DCT: variants seen among roughly 807,000 people sequenced by gnomAD.
The protein encoded by DCT is L-dopachrome tautomerase.
Under a neutral mutation model 53.0 loss-of-function variants are expected in DCT, and 47 were observed. The observed-to-expected ratio is 0.89, with a 90% CI of 0.70 to 1.13. The LOEUF is 1.13. DCT is among the 50% of genes most tolerant of loss of function. The pLI is 0.00. For missense variants in DCT, 669 were observed against 637.4 expected (o/e 1.05, Z -0.53); for synonymous variants, 244 against 237.0 (o/e 1.03, Z -0.27).
the DCT span, among the ~76,000 whole-genome samples, chr13:94,487,492 T>C: frequency 2.0e-5 from 3 of 152,216 alleles, no homozygotes; most frequent in Non-Finnish European, 4.4e-5. Flanking sequence ...CAGACATGCA[T>C]AGCTTTGGAG....
chr13:94,469,846 G>A (rs1017468717), intron 1 of DCT, among the ~76,000 whole-genome samples: 1 of 152,124 alleles, frequency 6.6e-6, no homozygotes, highest in Non-Finnish European at 1.5e-5. Context: ...AGGCCGAGGC[G>A]GGCAGATCAC....
chr13:94,443,375 C>T (rs760981640), intron 7 of DCT, 61 bp downstream of exon 7: 3 of 1,334,926 alleles, frequency 2.2e-6, no homozygotes, highest in African/African-American at 2.9e-5. Flanking sequence ...AGAAAGAAAG[C>T]AAGAAAGCTA....
the DCT span, among the ~76,000 whole-genome samples, chr13:94,512,130 T>C: frequency 6.6e-6 from 1 of 152,270 alleles, no homozygotes; most frequent in Non-Finnish European, 1.5e-5. Context: ...CCTCACCCAG[T>C]ACTGGATACA....
the DCT span, among the ~76,000 whole-genome samples, chr13:94,540,688 A>C: frequency 6.6e-6 from 1 of 152,190 alleles, no homozygotes; most frequent in Non-Finnish European, 1.5e-5. Context: ...ACCCTCGTAC[A>C]CTGTTGGTGG....
At chr13:94,469,312 G>A (rs957956452) in intron 1 of DCT, among the ~76,000 whole-genome samples, 4 of 152,146 alleles carry the variant, frequency 2.6e-5, no homozygotes, top group Non-Finnish European at 4.4e-5. Flanking sequence ...CCGTGTCCCC[G>A]AAGTCCTAGC....
intron 6 of DCT, among the ~76,000 whole-genome samples, chr13:94,447,795 A>C (rs1414972932): frequency 6.6e-6 from 1 of 152,234 alleles, no homozygotes; most frequent in Non-Finnish European, 1.5e-5. Flanking sequence ...CAAATAACTT[A>C]TAGAAAGTAT....
chr13:94,527,745 A>G, the DCT span, among the ~76,000 whole-genome samples: 1 of 152,228 alleles, frequency 6.6e-6, no homozygotes, highest in Non-Finnish European at 1.5e-5. Context: ...AAAGGATTGC[A>G]GCTCCTCGCC....
chr13:94,454,712 G>A (rs1488559181), intron 6 of DCT, among the ~76,000 whole-genome samples: 2 of 152,164 alleles, frequency 1.3e-5, no homozygotes, highest in Non-Finnish European at 2.9e-5. Flanking sequence ...ATTGCCTCAT[G>A]AATTTGAAAT....
chr13:94,508,542 T>A, the DCT span, among the ~76,000 whole-genome samples: 1 of 152,068 alleles, frequency 6.6e-6, no homozygotes, highest in East Asian at 1.9e-4. Flanking sequence ...GTCTGAAGAG[T>A]CTCAACCTTG....
intron 6 of DCT, chr13:94,445,892 C>G (rs112108850): frequency 2.1e-4 from 129 of 608,200 alleles, no homozygotes; most frequent in Non-Finnish European, 2.7e-4. Context: ...TGTGGGGGGG[C>G]GGGGTGAAAT....
At chr13:94,449,513 G>C (rs1019684675) in intron 6 of DCT, among the ~76,000 whole-genome samples, 1 of 152,190 alleles carries the variant, frequency 6.6e-6, no homozygotes, top group Non-Finnish European at 1.5e-5. Flanking sequence ...CTATTGTGGT[G>C]ACATGCTATT....
intron 1 of DCT, among the ~76,000 whole-genome samples, chr13:94,474,789 C>T (rs540496999): frequency 2.0e-5 from 3 of 152,240 alleles, no homozygotes; most frequent in South Asian, 4.2e-4. Flanking sequence ...AGAATTTCAC[C>T]ATAGAATTTA....
At chr13:94,498,899 C>T in the DCT span, among the ~76,000 whole-genome samples, 9,311 of 152,218 alleles carry the variant, frequency 0.061, 348 homozygotes, top group Non-Finnish European at 0.077. Flanking sequence ...TAAAAACACA[C>T]CAATCATTGC....
chr13:94,480,468 A>G (rs889161601), upstream of DCT, among the ~76,000 whole-genome samples: 4 of 152,348 alleles, frequency 2.6e-5, no homozygotes, highest in Admixed American at 1.3e-4. Flanking sequence ...TGGAAACAGG[A>G]CTTAGTGCCA....
the DCT span, among the ~76,000 whole-genome samples, chr13:94,485,955 A>C: frequency 1.9e-3 from 296 of 152,302 alleles, no homozygotes; most frequent in Middle Eastern, 3.4e-3. Context: ...AAAAGTAAGA[A>C]AGCAGCTTAA....
chr13:94,518,700 G>A, the DCT span, among the ~76,000 whole-genome samples: 1 of 152,158 alleles, frequency 6.6e-6, no homozygotes, highest in Non-Finnish European at 1.5e-5. Flanking sequence ...CTTTCCTCCT[G>A]TTGGTTCATT....
chr13:94,472,560 ATATATATATTTTTTTTTTT>A (rs1884795802), intron 1 of DCT, among the ~76,000 whole-genome samples: 6 of 20,272 alleles, frequency 3.0e-4, no homozygotes, highest in Admixed American at 1.4e-3. Flanking sequence ...ATATATATAT[ATATATATATTTTTTTTTTT>A]TTTTTTTTTT....
intron 6 of DCT, chr13:94,445,757 C>T (rs1285932421): frequency 3.2e-6 from 5 of 1,580,178 alleles, no homozygotes; most frequent in African/African-American, 1.3e-5. Flanking sequence ...GTCGCTTTCT[C>T]TTTTCTGTTG....
chr13:94,445,083 T>C (rs912936901), intron 6 of DCT, among the ~76,000 whole-genome samples: 1 of 152,238 alleles, frequency 6.6e-6, no homozygotes, highest in Non-Finnish European at 1.5e-5. Context: ...CATGCATCTT[T>C]ATTTACATAA....
Sources: gnomAD v4.1 joint callset for allele counts (sites outside exome capture counted in the v4.1 genomes callset) on GRCh38, gnomAD v4.1.1 for gene constraint, MANE v1.5 for transcripts, NCBI Gene and HGNC (gene_info 2026-07-23, HGNC 2026-07-21) for gene names.